ERICH6: variants seen among roughly 807,000 people sequenced by gnomAD.
ERICH6 encodes glutamate-rich protein 6.
In ERICH6, 71 loss-of-function variants were observed where a neutral mutation model predicts 71.0. That is an observed-to-expected ratio of 1.00 (90% CI 0.83 to 1.22). The LOEUF (loss-of-function observed/expected upper bound fraction) is 1.22, where lower values mean the gene tolerates loss of function less well. Ranked by LOEUF, ERICH6 falls within the 50% of genes most tolerant of loss-of-function variation. ERICH6 has a pLI of 0.00. For missense variants in ERICH6, 808 were observed against 797.2 expected, an observed-to-expected ratio of 1.01 and a Z score of -0.16; for synonymous variants, 262 against 278.4, an observed-to-expected ratio of 0.94 and a Z score of 0.59.
intron 10 of ERICH6, among the ~76,000 whole-genome samples, chr3:150,675,502 C>G (rs76420115): frequency 1.1e-4 from 16 of 152,234 alleles, no homozygotes; most frequent in Admixed American, 1.0e-3. Flanking sequence ...GCATGTGCCA[C>G]CACGCCTGGC....
intron 13 of ERICH6, among the ~76,000 whole-genome samples, chr3:150,666,451 A>G (rs181148325): frequency 4.6e-5 from 7 of 152,314 alleles, no homozygotes; most frequent in Admixed American, 3.3e-4. Context: ...CTCCTGACCC[A>G]ACCCAAGTCT....
At chr3:150,664,508 T>C (rs1559908647) in intron 13 of ERICH6, among the ~76,000 whole-genome samples, 1 of 151,646 alleles carries the variant, frequency 6.6e-6, no homozygotes, top group Non-Finnish European at 1.5e-5. Context: ...ATTAACTGAG[T>C]GTGGTGGTGC....
chr3:150,703,681 A>T lies in ERICH6; in HGVS notation c.218T>A (p.Phe73Tyr). Residue 73 changes from phenylalanine to tyrosine, a missense_variant, in exon 1 of 14, where the codon TTC becomes TAC. Transcript: ENST00000295910. ...GACCTTCCAGAGGTACTCTTCGCTG[A>T]ACGTCTCAGGGGCCTCCAACTCCTG... ...EEQELEAPET[F>Y]SEEYLWKVTD... 6.2e-7 allele frequency: 1 copy of T among 1,612,032 alleles called. No homozygotes were observed. The highest frequency in any genetic ancestry group is 2.2e-5 in the East Asian group (1 of 44,806).
chr3:150,669,237 A>G, intron 12 of ERICH6, 59 bp downstream of exon 12: 1 of 1,518,362 alleles, frequency 6.6e-7, no homozygotes, highest in Non-Finnish European at 8.8e-7. Context: ...AAAAAGAAAA[A>G]ACAAAATTTC....
At chr3:150,663,780 T>C (rs547880880) in intron 13 of ERICH6, among the ~76,000 whole-genome samples, 1 of 152,196 alleles carries the variant, frequency 6.6e-6, no homozygotes, top group African/African-American at 2.4e-5. Flanking sequence ...GCCTGGCCTG[T>C]GTTTTTTTTC....
intron 3 of ERICH6, among the ~76,000 whole-genome samples, chr3:150,696,465 CA>C (rs1170245490): frequency 6.6e-6 from 1 of 151,896 alleles, no homozygotes; most frequent in Non-Finnish European, 1.5e-5. Context: ...TTATATTTAA[CA>C]AAAATGACCA....
At chr3:150,693,491 G>T (rs990635530) in intron 3 of ERICH6, among the ~76,000 whole-genome samples, 3 of 152,114 alleles carry the variant, frequency 2.0e-5, no homozygotes, top group African/African-American at 7.2e-5. Flanking sequence ...GAGGAGAGAG[G>T]ATCACCCAAC....
chr3:150,686,104 C>G (rs940674411), intron 4 of ERICH6, 83 bp from the exon 5 acceptor site: 1 of 1,260,372 alleles, frequency 7.9e-7, no homozygotes, highest in Non-Finnish European at 1.2e-6. Flanking sequence ...AGATTCACAC[C>G]CACCATCATC....
In ERICH6 at chr3:150,685,784, C is replaced by A; in HGVS notation, c.741G>T (p.Leu247=). 6.2e-7 allele frequency: 1 copy of A among 1,613,946 alleles called. No individual in the cohort carries two copies. Among genetic ancestry groups the A allele is most frequent in the Non-Finnish European group, 8.5e-7 (1 of 1,179,988 alleles). ...AATTGGAGCTCTCTTCTTTGTATGCCAGAATGGATGGTGGTCCGATGCTGG... is the reference window on the plus strand; with the variant it reads ...AATTGGAGCTCTCTTCTTTGTATGCAAGAATGGATGGTGGTCCGATGCTGG... The part of the protein sequence containing the change: ...TLPSIGPPSI[L]AYKEESSNLG... Residue 247 remains leucine (L), a synonymous_variant, in exon 6 of 14, where the codon CTG becomes CTT. Transcript: ENST00000295910.
At chr3:150,683,086 G>A (rs1185246585) in intron 6 of ERICH6, among the ~76,000 whole-genome samples, 1 of 152,116 alleles carries the variant, frequency 6.6e-6, no homozygotes, top group Non-Finnish European at 1.5e-5. Context: ...AACAACACCA[G>A]GGCATCTGTA....
At chr3:150,690,593 C>T (rs1352412287) in intron 3 of ERICH6, among the ~76,000 whole-genome samples, 1 of 151,966 alleles carries the variant, frequency 6.6e-6, no homozygotes, top group Non-Finnish European at 1.5e-5. Context: ...AAGAAAAGAC[C>T]AGTCAAGTGC....
At chr3:150,688,499 T>C (rs1205993705) in intron 3 of ERICH6, among the ~76,000 whole-genome samples, 1 of 152,192 alleles carries the variant, frequency 6.6e-6, no homozygotes. Context: ...TGGGCTGCTA[T>C]AACAAAATGC....
intron 3 of ERICH6, among the ~76,000 whole-genome samples, chr3:150,688,405 ATAT>A (rs1227047606): frequency 6.6e-6 from 1 of 152,232 alleles, no homozygotes; most frequent in East Asian, 1.9e-4. Flanking sequence ...ATATGACGAA[ATAT>A]TATGCAGTAA....
At chr3:150,690,237 T>C (rs986510851) in intron 3 of ERICH6, among the ~76,000 whole-genome samples, 18 of 152,198 alleles carry the variant, frequency 1.2e-4, no homozygotes, top group African/African-American at 4.1e-4. Flanking sequence ...CCATCTTTAA[T>C]CTCCCTCTAG....
chr3:150,675,469 C>T (rs1174059755), intron 10 of ERICH6, among the ~76,000 whole-genome samples: 2 of 152,134 alleles, frequency 1.3e-5, no homozygotes, highest in Admixed American at 1.3e-4. Flanking sequence ...CTGCCTCAGC[C>T]TCCTGAGTAG....
chr3:150,671,914 G>A (rs1220649717), intron 11 of ERICH6, among the ~76,000 whole-genome samples: 1 of 152,158 alleles, frequency 6.6e-6, no homozygotes, highest in Non-Finnish European at 1.5e-5. Context: ...ATAGGCATGG[G>A]TCACCATGCC....
intron 2 of ERICH6, among the ~76,000 whole-genome samples, chr3:150,701,196 A>C (rs1279860439): frequency 6.6e-6 from 1 of 152,220 alleles, no homozygotes; most frequent in South Asian, 2.1e-4. Context: ...GTGCATTAAC[A>C]TGTTAATTTT....
rs1364680052 is a variant in ERICH6 at position 150,667,009 on chromosome 3, G to A, written c.1506C>T (p.Tyr502=). Residue 502 remains tyrosine (Y), a synonymous_variant, in exon 13 of 14, where the codon TAC becomes TAT. Coordinates refer to ENST00000295910, the MANE Select transcript of ERICH6 (RefSeq NM_152394.5). ...CYHPNGNVWV[Y]INILGGQYSD... is the part of the protein sequence containing the mutation. The stretch of plus-strand genomic sequence containing the variant: ...AATATTGACCTCCCAAGATATTGAT[G>A]TATACCCTGGTCAGGAAGGAAATGT... The A allele has an allele frequency of 1.9e-6, 3 of 1,612,974 alleles. No homozygotes were observed. In the East Asian group the frequency reaches 6.7e-5, roughly 36 times the overall value.
At chr3:150,671,297 A>G (rs369465566) in intron 11 of ERICH6, among the ~76,000 whole-genome samples, 11 of 152,184 alleles carry the variant, frequency 7.2e-5, no homozygotes, top group African/African-American at 2.7e-4. Flanking sequence ...TTTCTTCTAC[A>G]GGGGGAGGCT....
Sources: allele counts gnomAD v4.1 joint callset (sites outside exome capture counted in the v4.1 genomes callset), GRCh38; gene constraint gnomAD v4.1.1; transcripts MANE v1.5; gene names NCBI Gene and HGNC (gene_info 2026-07-23, HGNC 2026-07-21).